Variants in RASA2 observed in about 807,000 individuals in gnomAD.
RASA2 encodes RAS p21 protein activator 2, also known as ras GTPase-activating protein 2.
Under a neutral mutation model 118.2 loss-of-function variants are expected in RASA2, and 155 were observed. That is an observed-to-expected ratio of 1.31 (90% CI 1.15 to 1.50). The LOEUF (loss-of-function observed/expected upper bound fraction) is 1.50. Ranked by LOEUF, RASA2 falls within the 40% of genes most tolerant of loss-of-function variation. RASA2 has a pLI of 0.00. For synonymous variants in RASA2, 353 were observed against 349.1 expected, an observed-to-expected ratio of 1.01 and a Z score of -0.12; for missense variants, 1,016 against 1,009.6, an observed-to-expected ratio of 1.01 and a Z score of -0.09.
chr3:141,592,314 A>G (rs538720003), intron 19 of RASA2, among the ~76,000 whole-genome samples: 2 of 152,302 alleles, frequency 1.3e-5, no homozygotes, highest in South Asian at 4.1e-4. Context: ...ACCCAGAACA[A>G]ATGCCTTGAA....
At chr3:141,595,873 C>T (rs1000096542) in intron 19 of RASA2, among the ~76,000 whole-genome samples, 1 of 152,148 alleles carries the variant, frequency 6.6e-6, no homozygotes, top group African/African-American at 2.4e-5. Context: ...AAGTGATCCT[C>T]CTGCCTCGGC....
chr3:141,524,488 A>G (rs888837975), intron 3 of RASA2, among the ~76,000 whole-genome samples: 1 of 152,082 alleles, frequency 6.6e-6, no homozygotes, highest in African/African-American at 2.4e-5. Context: ...AAGTGCTGCC[A>G]TTGTCTCTAA....
At chr3:141,602,486 G>T (rs1032174696) in intron 19 of RASA2, among the ~76,000 whole-genome samples, 2 of 152,126 alleles carry the variant, frequency 1.3e-5, no homozygotes, top group Non-Finnish European at 2.9e-5. Context: ...TGCTCCTGCT[G>T]GGTGGCCCAG....
chr3:141,581,169 GT>G lies in RASA2; in HGVS notation c.1746del (p.Lys584SerfsTer23). 1 of 1,509,464 alleles carries G rather than the reference GT, an allele frequency of 6.6e-7. No homozygotes were observed. Among genetic ancestry groups the G allele is most frequent in the Non-Finnish European group, 8.8e-7 (1 of 1,135,074 alleles). 93.5% of individuals were successfully genotyped at this position (1,509,464 alleles called of 1,614,324 possible). A position where few individuals can be genotyped will look rare whatever the true frequency, so the allele number is the denominator to read the frequency against. ...MFQEEGYIIA[V>X]KKFLDEISST... is the part of the protein sequence containing the mutation. The stretch of plus-strand genomic sequence containing the variant: ...TCAAGAAGAAGGATATATTATAGCA[GT>G]TAAAAAGGTATGATGGTTTTATTCT... On this transcript the variant is annotated frameshift_variant, in exon 17 of 24. Coordinates refer to ENST00000286364, the MANE Select transcript of RASA2 (RefSeq NM_006506.5). LOFTEE classifies it high-confidence loss of function.
At chr3:141,541,358 A>G (rs577585202) in intron 5 of RASA2, among the ~76,000 whole-genome samples, 1 of 152,230 alleles carries the variant, frequency 6.6e-6, no homozygotes, top group Admixed American at 6.5e-5. Context: ...ATTCTCATCA[A>G]TTGTGAACCC....
intron 19 of RASA2, among the ~76,000 whole-genome samples, chr3:141,602,010 A>G (rs190025677): frequency 7.3e-4 from 111 of 152,298 alleles, no homozygotes; most frequent in African/African-American, 2.6e-3. Context: ...GAGAGCCTAT[A>G]TATGTTCAGT....
chr3:141,591,744 T>C (rs1296378448), intron 19 of RASA2, among the ~76,000 whole-genome samples: 1 of 151,460 alleles, frequency 6.6e-6, no homozygotes, highest in Non-Finnish European at 1.5e-5. Context: ...CTAGCTTATA[T>C]AGCCAGCCCT....
intron 19 of RASA2, among the ~76,000 whole-genome samples, chr3:141,597,367 T>C (rs2083389901): frequency 6.6e-6 from 1 of 152,228 alleles, no homozygotes; most frequent in African/African-American, 2.4e-5. Flanking sequence ...ACGTACTGCA[T>C]GATTCCATTT....
chr3:141,608,063 T>A (rs1399603076), intron 20 of RASA2, among the ~76,000 whole-genome samples: 68 of 151,832 alleles, frequency 4.5e-4, no homozygotes, highest in Non-Finnish European at 1.3e-4. Flanking sequence ...GTACATGATA[T>A]TCAAGTTTCT....
chr3:141,609,508 CT>C lies in RASA2; in HGVS notation c.2315del (p.Leu772ArgfsTer28). On this transcript the variant is annotated frameshift_variant, in exon 22 of 24. Transcript: ENST00000286364. LOFTEE classifies it high-confidence loss of function. Reference protein sequence around the residue: ...YSLFTLSLLKLQKMEEACGTI... With the variant: ...YSLFTLSLLKXQKMEEACGTI... ...CCTTTTTACCCTCAGTTTACTTAAGCTGCAGAAGATGGAAGGTAAATACACA... is the reference window on the plus strand; with the variant it reads ...CCTTTTTACCCTCAGTTTACTTAAGCGCAGAAGATGGAAGGTAAATACACA... The C allele has an allele frequency of 6.3e-7, 1 of 1,584,972 alleles. No homozygotes were observed. Among genetic ancestry groups the C allele is most frequent in the Non-Finnish European group, 8.6e-7 (1 of 1,156,248 alleles).
At chr3:141,492,152 A>G (rs1218607250) in intron 1 of RASA2, among the ~76,000 whole-genome samples, 1 of 152,216 alleles carries the variant, frequency 6.6e-6, no homozygotes, top group Non-Finnish European at 1.5e-5. Context: ...GAGTTCATAG[A>G]GTTGTTTTTT....
At chr3:141,489,377 G>T (rs2081613833) in intron 1 of RASA2, among the ~76,000 whole-genome samples, 1 of 152,174 alleles carries the variant, frequency 6.6e-6, no homozygotes. Flanking sequence ...TAACATGTGG[G>T]TTTTGTAGGG....
intron 1 of RASA2, among the ~76,000 whole-genome samples, chr3:141,505,730 G>T (rs1277789178): frequency 6.6e-6 from 1 of 151,998 alleles, no homozygotes; most frequent in Non-Finnish European, 1.5e-5. Context: ...AGACTTCTAA[G>T]CAAGGGATGT....
chr3:141,533,585 G>A (rs1201583605), intron 4 of RASA2, among the ~76,000 whole-genome samples: 4 of 152,102 alleles, frequency 2.6e-5, no homozygotes, highest in Non-Finnish European at 2.9e-5. Flanking sequence ...AAATTGTTTA[G>A]AACTATAACC....
intron 17 of RASA2, among the ~76,000 whole-genome samples, chr3:141,584,785 G>C (rs760158120): frequency 1.4e-4 from 22 of 152,076 alleles, no homozygotes; most frequent in Non-Finnish European, 3.1e-4. Flanking sequence ...AATAGTTACA[G>C]GTTGAGTATC....
At chr3:141,497,451 T>C (rs905147186) in intron 1 of RASA2, among the ~76,000 whole-genome samples, 2 of 152,164 alleles carry the variant, frequency 1.3e-5, no homozygotes, top group African/African-American at 4.8e-5. Context: ...AATCTTAAGC[T>C]GTGCCAGTCT....
At chr3:141,489,832 A>G (rs1242120627) in intron 1 of RASA2, among the ~76,000 whole-genome samples, 1 of 152,160 alleles carries the variant, frequency 6.6e-6, no homozygotes, top group East Asian at 1.9e-4. Flanking sequence ...AGTTGGACAG[A>G]TATTTGTCTA....
chr3:141,492,523 A>G (rs2081651258), intron 1 of RASA2, among the ~76,000 whole-genome samples: 1 of 152,230 alleles, frequency 6.6e-6, no homozygotes. Flanking sequence ...ACCATAAATG[A>G]CAAATTTGTT....
chr3:141,496,432 T>A (rs1230706418), intron 1 of RASA2, among the ~76,000 whole-genome samples: 2 of 152,186 alleles, frequency 1.3e-5, no homozygotes, highest in Admixed American at 6.5e-5. Flanking sequence ...GACAAAGGGC[T>A]AATATCCAGA....
Sources: allele counts gnomAD v4.1 joint callset (sites outside exome capture counted in the v4.1 genomes callset), GRCh38; gene constraint gnomAD v4.1.1; transcripts MANE v1.5; gene names NCBI Gene and HGNC (gene_info 2026-07-23, HGNC 2026-07-21).